Variants in WDHD1 observed in about 807,000 individuals in gnomAD.
WDHD1 encodes WD repeat and HMG-box DNA binding protein 1, also known as WD repeat and HMG-box DNA-binding protein 1.
A neutral mutation model predicts 135.4 loss-of-function variants in WDHD1; 111 were observed. That is an observed-to-expected ratio of 0.82 (90% confidence interval 0.70 to 0.96). The LOEUF (loss-of-function observed/expected upper bound fraction) is 0.96. Among genes scored for constraint, WDHD1 ranks in the 40% least tolerant of loss-of-function variants. The pLI, the probability that WDHD1 is intolerant of heterozygous loss-of-function variation, is 0.00. For missense variants in WDHD1, 1,351 were observed against 1,336.3 expected, an observed-to-expected ratio of 1.01 and a Z score of -0.17; for synonymous variants, 434 against 439.0, an observed-to-expected ratio of 0.99 and a Z score of 0.14.
At chr14:54,942,256 AAAT>A (rs1384096785) in intron 25 of WDHD1, among the ~76,000 whole-genome samples, 4 of 65,734 alleles carry the variant, frequency 6.1e-5, no homozygotes, top group South Asian at 4.5e-4. Context: ...CTCAAAAAAT[AAAT>A]AAATAAATAA....
At chr14:55,024,844 G>T (rs1380898085) in intron 2 of WDHD1, among the ~76,000 whole-genome samples, 1 of 113,158 alleles carries the variant, frequency 8.8e-6, no homozygotes, top group African/African-American at 2.9e-5. Flanking sequence ...CAAAAACTGC[G>T]GAAGGCCGCA....
Position 54,981,729 on chromosome 14 carries a change from T to C in WDHD1, c.1907-33A>G, listed in dbSNP as rs1472748561. 6 of 1,472,304 alleles carry C rather than the reference T, an allele frequency of 4.1e-6. No individual in the cohort carries two copies. The East Asian group carries it at 9.1e-5, about 22-fold the overall frequency. 91.2% of individuals were successfully genotyped at this position (1,472,304 alleles called of 1,614,324 possible). On this transcript the variant is annotated intron_variant, in intron 15 of 25. Transcript: ENST00000360586. Reference sequence around the variant, plus strand: ...CCAACAGAAAAATCACTTGGAGACATAGCTACATGTTGTTAAAGGAACCCT... The same window carrying C: ...CCAACAGAAAAATCACTTGGAGACACAGCTACATGTTGTTAAAGGAACCCT...
chr14:54,984,095 T>C (rs898662430), intron 15 of WDHD1, among the ~76,000 whole-genome samples: 2 of 152,234 alleles, frequency 1.3e-5, no homozygotes, highest in African/African-American at 4.8e-5. Flanking sequence ...TATGATCTGC[T>C]GGAAAAGACA....
rs113669034 is a variant in WDHD1, at chr14:54,962,329, T to C, written c.2701+169A>G. On this transcript the variant is annotated intron_variant, in intron 21 of 25. Transcript: ENST00000360586. ...TCAATAGGCATTTTATAAACATCTG[T>C]TAAATGACCATAGCTTCACAAACAA... 2.3e-3 allele frequency among the ~76,000 whole-genome samples: 356 copies of C among 152,282 alleles called. 2 individuals are homozygous for C. The highest frequency in any genetic ancestry group is 8.1e-3 in the African/African-American group (337 of 41,554).
In WDHD1 at chr14:55,007,299, CA is replaced by C; in HGVS notation, c.580del (p.Trp194GlyfsTer42). On this transcript the variant is annotated frameshift_variant, in exon 7 of 26. Coordinates refer to ENST00000360586, the MANE Select transcript of WDHD1 (RefSeq NM_007086.4). LOFTEE classifies it high-confidence loss of function. The part of the protein sequence containing the change: ...INAKSICRLA[W>X]QPKSGKLLAI... ...ACTTACCTTCCCACTTTTTGGCTGC[CA>C]AGCAAGTCTGCAGATTGATTTTGCA... 6.3e-7 allele frequency: 1 copy of C among 1,593,470 alleles called. No individual in the cohort carries two copies. The highest frequency in any genetic ancestry group is 1.2e-5 in the South Asian group (1 of 85,226).
At chr14:55,008,561 T>A (rs2042111538) in intron 5 of WDHD1, 47 bp downstream of exon 5, 2 of 1,521,042 alleles carry the variant, frequency 1.3e-6, no homozygotes. Context: ...AATATATTTT[T>A]AAACATATTC....
chr14:54,962,965 T>C lies in WDHD1; in HGVS notation c.2518A>G (p.Lys840Glu). The change falls in exon 19 of 26, where the codon AAG becomes GAG. Residue 840 changes from lysine (K) to glutamate (E), a missense_variant. Coordinates refer to ENST00000360586, the MANE Select transcript of WDHD1 (RefSeq NM_007086.4). ...EEEEEEDFRKKLNAGYSNTAT... is the reference protein window; with the variant it reads ...EEEEEEDFRKELNAGYSNTAT... The stretch of plus-strand genomic sequence containing the variant: ...ATTATTTCTTACCCAGCATTCAGCT[T>C]TTTTCTGAAATCTTCTTCTTCTTCT... The C allele has an allele frequency of 6.2e-7, 1 of 1,613,972 alleles. No individual in the cohort carries two copies. The highest frequency in any genetic ancestry group is 8.5e-7 in the Non-Finnish European group (1 of 1,179,988).
chr14:54,987,053 T>C (rs1373140548), intron 14 of WDHD1, 93 bp downstream of exon 14: 9 of 1,442,146 alleles, frequency 6.2e-6, no homozygotes, highest in Non-Finnish European at 8.5e-6. Flanking sequence ...AAAGGAAGTA[T>C]ATAATCCAAG....
chr14:54,967,687 C>G (rs922029923), intron 16 of WDHD1, among the ~76,000 whole-genome samples: 4 of 151,960 alleles, frequency 2.6e-5, no homozygotes, highest in Non-Finnish European at 4.4e-5. Flanking sequence ...GTGGTGTGAT[C>G]ACGGCTCACT....
intron 25 of WDHD1, among the ~76,000 whole-genome samples, 181 bp downstream of exon 25, chr14:54,944,151 G>A (rs1346050861): frequency 6.6e-6 from 1 of 151,134 alleles, no homozygotes; most frequent in East Asian, 1.9e-4. Flanking sequence ...TATTAGAGAC[G>A]ATGTCTCACT....
At chr14:55,010,497 C>T in intron 3 of WDHD1, 37 bp from the exon 4 acceptor site, 1 of 1,479,156 alleles carries the variant, frequency 6.8e-7, no homozygotes, top group Non-Finnish European at 9.0e-7. Flanking sequence ...ATTAGCAAAA[C>T]AAATCCAAAT....
rs768319799 is a variant in WDHD1, at chr14:54,955,558, G to A, written c.3050+3C>T. 1.4e-5 allele frequency: 22 copies of A among 1,560,026 alleles called. 1 individual carries two copies. The Middle Eastern group carries it at 1.4e-3, about 99-fold the overall frequency. Reference sequence around the variant, plus strand: ...TGCATGCTAAATTTCTCTATGTACTGACCTTTGGTTTTCAGTGTTTTGAGG... The same window carrying A: ...TGCATGCTAAATTTCTCTATGTACTAACCTTTGGTTTTCAGTGTTTTGAGG... On this transcript the variant is annotated splice_donor_region_variant and intron_variant, in intron 24 of 25. Coordinates refer to ENST00000360586, the MANE Select transcript of WDHD1 (RefSeq NM_007086.4).
intron 24 of WDHD1, among the ~76,000 whole-genome samples, chr14:54,951,721 C>T (rs7159232): frequency 0.33 from 50,159 of 152,064 alleles, 8,590 homozygotes; most frequent in African/African-American, 0.42. Flanking sequence ...AGACCAATAT[C>T]CCTGATGAAC....
intron 3 of WDHD1, among the ~76,000 whole-genome samples, chr14:55,012,523 C>G (rs553023862): frequency 7.1e-4 from 108 of 152,244 alleles, no homozygotes; most frequent in Non-Finnish European, 1.2e-3. Flanking sequence ...GAAACATTCC[C>G]GTTTTCTAGA....
Position 55,010,271 on chromosome 14 carries a change from C to T in WDHD1, c.341+38G>A, listed in dbSNP as rs2042146920. The stretch of plus-strand genomic sequence containing the variant: ...AAACAAATAAACAAGGCCTTTTGTT[C>T]TAACATTATTTCCTTTTCTGATGTC... On this transcript the variant is annotated intron_variant, in intron 4 of 25. Transcript: ENST00000360586. 3.4e-6 allele frequency: 5 copies of T among 1,489,686 alleles called. No individual in the cohort carries two copies. In the African/African-American group the frequency reaches 4.3e-5, roughly 13 times the overall value. 92.3% of individuals were successfully genotyped at this position (1,489,686 alleles called of 1,614,324 possible).
Position 54,962,972 on chromosome 14 carries a change from G to T in WDHD1, c.2511C>A (p.Phe837Leu). The change falls in exon 19 of 26, where the codon TTC (phenylalanine) becomes TTA (leucine). Residue 837 changes from phenylalanine to leucine, a missense_variant. Physicochemically the swap from Phe to Leu is conservative, Grantham distance 22. Coordinates refer to ENST00000360586, the MANE Select transcript of WDHD1 (RefSeq NM_007086.4). ...QVEEEEEEED[F>L]RKKLNAGYSN... ...CTTACCCAGCATTCAGCTTTTTTCT[G>T]AAATCTTCTTCTTCTTCTTCCTCTT... The T allele has an allele frequency of 1.9e-6, 3 of 1,613,780 alleles. No individual in the cohort carries two copies. The highest frequency in any genetic ancestry group is 2.5e-6 in the Non-Finnish European group (3 of 1,179,938).
Position 54,955,590 on chromosome 14 carries a change from T to C in WDHD1, c.3021A>G (p.Ile1007Met), listed in dbSNP as rs767960392. ...LKNVLSETPA[I>M]CPPQNTENQR... ...GGTTTTCAGTGTTTTGAGGAGGACA[T>C]ATAGCTGGGGTTTCAGATAATACAT... The change falls in exon 24 of 26, where the codon ATA (isoleucine) becomes ATG (methionine). Residue 1007 changes from isoleucine to methionine, a missense_variant. Physicochemically the swap from Ile to Met is conservative, Grantham distance 10. This residue lies in a region of WDHD1 where 1,330 missense variants were observed against 1,296.1 expected (regional missense o/e 1.03). Transcript: ENST00000360586. The C allele has an allele frequency of 2.5e-6, 4 of 1,591,536 alleles. No individual in the cohort carries two copies. In the South Asian group the frequency reaches 4.6e-5, roughly 18 times the overall value.
rs576443614 is a variant in WDHD1, at chr14:54,981,435, T to C, written c.2063+105A>G. ...TAATTTAGTGACTATGGAAAGCAAG[T>C]AATTGGACTAAGATAAAAGACAAAT... On this transcript the variant is annotated intron_variant, in intron 16 of 25. Coordinates refer to ENST00000360586, the MANE Select transcript of WDHD1 (RefSeq NM_007086.4). The C allele has an allele frequency of 5.7e-4, 629 of 1,100,870 alleles. 2 individuals carry two copies. Among genetic ancestry groups the C allele is most frequent in the Non-Finnish European group, 7.2e-4 (551 of 768,158 alleles). 68.2% of individuals were successfully genotyped at this position (1,100,870 alleles called of 1,614,324 possible). A position where few individuals can be genotyped will look rare whatever the true frequency, so the allele number is the denominator to read the frequency against.
Position 54,962,755 on chromosome 14 carries a change from G to T in WDHD1, c.2630C>A (p.Pro877Gln). ...DSGEADDEEK[P>Q]EIHKPGQNSF... is the part of the protein sequence containing the mutation. ...TATCTCACCAGGCTTATGTATTTCT[G>T]GTTTTTCTTCATCATCAGCTTCTCC... Residue 877 changes from proline (P) to glutamine (Q), a missense_variant, in exon 20 of 26, where the codon CCA becomes CAA. Pro to Gln is a moderately conservative substitution (Grantham distance 76, BLOSUM62 -1). Around this residue, in one of 2 missense-constraint regions of WDHD1, gnomAD observed 1,330 missense variants for 1,296.1 expected, o/e 1.03. Coordinates refer to ENST00000360586, the MANE Select transcript of WDHD1 (RefSeq NM_007086.4). The T allele has an allele frequency of 7.4e-6, 12 of 1,613,794 alleles. No homozygotes were observed. The highest frequency in any genetic ancestry group is 1.0e-5 in the Non-Finnish European group (12 of 1,179,944).
Sources: allele counts gnomAD v4.1 joint callset (sites outside exome capture counted in the v4.1 genomes callset), GRCh38; gene constraint gnomAD v4.1.1; regional missense constraint gnomAD v4.1.1; transcripts MANE v1.5; gene names NCBI Gene and HGNC (gene_info 2026-07-23, HGNC 2026-07-21).